The following GRM3 variants were observed in gnomAD, a reference collection of about 807,000 sequenced individuals.
GRM3 encodes the protein metabotropic glutamate receptor 3.
Under a neutral mutation model 70.5 loss-of-function variants are expected in GRM3, and 26 were observed. The observed-to-expected ratio is 0.37, with a 90% CI of 0.27 to 0.51. The LOEUF (loss-of-function observed/expected upper bound fraction) is 0.51. GRM3 is among the 20% of genes least tolerant of loss of function. The pLI is 0.93. For synonymous variants in GRM3, 443 were observed against 434.9 expected (o/e 1.02, Z -0.23); for missense variants, 859 against 1,123.8 (o/e 0.76, Z 3.37).
intron 3 of GRM3, among the ~76,000 whole-genome samples, chr7:86,824,317 C>A (rs1223580418): frequency 1.3e-5 from 2 of 152,170 alleles, no homozygotes; most frequent in African/African-American, 2.4e-5. Context: ...CAAAAGTATT[C>A]CTACTTCTTC....
At chr7:86,757,575 C>T (rs1378627126) in intron 1 of GRM3, among the ~76,000 whole-genome samples, 3 of 152,172 alleles carry the variant, frequency 2.0e-5, no homozygotes, top group Non-Finnish European at 4.4e-5. Context: ...TGAGTCTCAC[C>T]CTGTGGATGA....
intron 5 of GRM3, among the ~76,000 whole-genome samples, chr7:86,853,995 C>T (rs573602830): frequency 1.4e-4 from 22 of 152,302 alleles, no homozygotes; most frequent in African/African-American, 5.1e-4. Context: ...GAAGTAGAAA[C>T]TGGCTTGGCC....
At chr7:86,670,330 T>C (rs1424709276) in intron 1 of GRM3, among the ~76,000 whole-genome samples, 5 of 152,198 alleles carry the variant, frequency 3.3e-5, no homozygotes, top group African/African-American at 1.2e-4. Context: ...TGTGGCTCCA[T>C]CTATCAACAT....
chr7:86,766,632 G>T (rs1324445131), intron 2 of GRM3, among the ~76,000 whole-genome samples: 1 of 152,076 alleles, frequency 6.6e-6, no homozygotes, highest in African/African-American at 2.4e-5. Flanking sequence ...AACTCAGATA[G>T]ATCTTTTGTA....
intron 3 of GRM3, among the ~76,000 whole-genome samples, chr7:86,795,188 G>A (rs1584249838): frequency 1.3e-5 from 2 of 151,814 alleles, no homozygotes; most frequent in Admixed American, 1.3e-4. Context: ...TACTTTTAGA[G>A]TGGGGTTAAC....
intron 1 of GRM3, among the ~76,000 whole-genome samples, chr7:86,736,875 T>C (rs1199156924): frequency 6.6e-6 from 1 of 152,162 alleles, no homozygotes; most frequent in Non-Finnish European, 1.5e-5. Flanking sequence ...GTGCTCTCTT[T>C]CATAAACTAA....
In GRM3 at chr7:86,853,519, C is replaced by A. The variant is rs530087970; in HGVS notation, c.2566+2975C>A. Reference sequence around the variant, plus strand: ...CAAGAACATTCCTTAAACTGCTCTGCGTTCATTAGATAAAGCATATGTTTT... The same window carrying A: ...CAAGAACATTCCTTAAACTGCTCTGAGTTCATTAGATAAAGCATATGTTTT... On this transcript the variant is annotated intron_variant, in intron 5 of 5. Coordinates refer to ENST00000361669, the MANE Select transcript of GRM3 (RefSeq NM_000840.3). Among the ~76,000 whole-genome samples, 3 of 152,230 alleles carry A rather than the reference C, an allele frequency of 2.0e-5. No individual in the cohort carries two copies. In the South Asian group the frequency reaches 6.2e-4, roughly 32 times the overall value.
At chr7:86,859,920 G>C (rs928851364) in intron 5 of GRM3, among the ~76,000 whole-genome samples, 1 of 152,170 alleles carries the variant, frequency 6.6e-6, no homozygotes, top group Non-Finnish European at 1.5e-5. Flanking sequence ...TCACCAGTTT[G>C]TGAAGCAAAA....
intron 1 of GRM3, among the ~76,000 whole-genome samples, chr7:86,703,123 T>A (rs895144636): frequency 1.3e-5 from 2 of 151,964 alleles, no homozygotes; most frequent in Admixed American, 6.6e-5. Flanking sequence ...TCCAGATAAA[T>A]GTCTTAAAAA....
At chr7:86,661,807 C>G (rs1793900394) in intron 1 of GRM3, among the ~76,000 whole-genome samples, 1 of 151,814 alleles carries the variant, frequency 6.6e-6, no homozygotes. Context: ...TGAAACCAAT[C>G]AATAAGTCAA....
chr7:86,856,785 C>T (rs1442060628), intron 5 of GRM3, among the ~76,000 whole-genome samples: 4 of 152,154 alleles, frequency 2.6e-5, no homozygotes, highest in Non-Finnish European at 5.9e-5. Context: ...TGTCTCACAA[C>T]TGCTTTTTTC....
At chr7:86,709,409 C>T (rs1795140318) in intron 1 of GRM3, among the ~76,000 whole-genome samples, 1 of 152,066 alleles carries the variant, frequency 6.6e-6, no homozygotes, top group South Asian at 2.1e-4. Context: ...CTTCTGCACC[C>T]TCATTCTAAT....
intron 5 of GRM3, among the ~76,000 whole-genome samples, chr7:86,863,124 G>A (rs771094721): frequency 1.6e-4 from 25 of 152,022 alleles, no homozygotes; most frequent in Non-Finnish European, 8.8e-5. Flanking sequence ...CGATTCTCTC[G>A]GCTACATGGT....
chr7:86,789,257 C>G (rs1223902611), intron 3 of GRM3, among the ~76,000 whole-genome samples: 1 of 152,068 alleles, frequency 6.6e-6, no homozygotes, highest in African/African-American at 2.4e-5. Context: ...AGACCAGCCA[C>G]AAGGTAAATA....
intron 1 of GRM3, among the ~76,000 whole-genome samples, chr7:86,756,889 A>G (rs1484384360): frequency 1.3e-5 from 2 of 152,052 alleles, no homozygotes. Flanking sequence ...TTTCTTTTCT[A>G]TCTTTTTTCT....
intron 1 of GRM3, among the ~76,000 whole-genome samples, chr7:86,762,673 A>G (rs1212239813): frequency 1.3e-5 from 2 of 152,158 alleles, no homozygotes; most frequent in East Asian, 3.8e-4. Context: ...ATATAAAGCC[A>G]GAAGTCAACA....
intron 3 of GRM3, among the ~76,000 whole-genome samples, chr7:86,795,064 C>A (rs1797515442): frequency 6.6e-6 from 1 of 151,590 alleles, no homozygotes; most frequent in African/African-American, 2.4e-5. Flanking sequence ...TTCTCCCTAG[C>A]ACACAAGAAG....
chr7:86,742,342 G>C (rs956730986), intron 1 of GRM3, among the ~76,000 whole-genome samples: 2 of 152,122 alleles, frequency 1.3e-5, no homozygotes, highest in Non-Finnish European at 2.9e-5. Context: ...GAAATCAAAA[G>C]TCCTGTCCAA....
At chr7:86,697,882 C>T (rs983571975) in intron 1 of GRM3, among the ~76,000 whole-genome samples, 19 of 152,096 alleles carry the variant, frequency 1.2e-4, no homozygotes, top group African/African-American at 3.6e-4. Context: ...AAGGAACTGA[C>T]GTGCTGACTT....
Sources: gnomAD v4.1 joint callset for allele counts (sites outside exome capture counted in the v4.1 genomes callset) on GRCh38, gnomAD v4.1.1 for gene constraint, MANE v1.5 for transcripts, NCBI Gene and HGNC (gene_info 2026-07-23, HGNC 2026-07-21) for gene names.